The following ASIC2 variants were observed in gnomAD, a reference collection of about 807,000 sequenced individuals.
ASIC2 encodes acid-sensing ion channel 2.
Under a neutral mutation model 57.3 loss-of-function variants are expected in ASIC2, and 25 were observed. That is an observed-to-expected ratio of 0.44 (90% CI 0.32 to 0.61). The LOEUF is 0.61. ASIC2 is among the 20% of genes least tolerant of loss of function. The pLI is 0.06. For synonymous variants in ASIC2, 319 were observed against 307.5 expected, an observed-to-expected ratio of 1.04 and a Z score of -0.39; for missense variants, 641 against 738.1, an observed-to-expected ratio of 0.87 and a Z score of 1.52.
At chr17:33,554,646 A>G (rs7215444) in intron 1 of ASIC2, among the ~76,000 whole-genome samples, 5 of 151,690 alleles carry the variant, frequency 3.3e-5, no homozygotes, top group Non-Finnish European at 7.4e-5. Flanking sequence ...GTGCTTTTTG[A>G]GGAAGAAGTT....
chr17:34,116,858 G>GA (rs564585063), intron 1 of ASIC2, among the ~76,000 whole-genome samples: 64 of 152,194 alleles, frequency 4.2e-4, no homozygotes, highest in African/African-American at 1.4e-3. Flanking sequence ...TGTGTGTGGG[G>GA]GGAGGAGGGC....
At chr17:34,036,809 G>A (rs62056830) in intron 1 of ASIC2, 65,098 of 151,008 alleles carry the variant, frequency 0.43, 14,681 homozygotes, top group African/African-American at 0.58. Context: ...AAACCTAGAG[G>A]GACTCCAAGC....
At chr17:34,051,144 A>G (rs1233386718) in intron 1 of ASIC2, among the ~76,000 whole-genome samples, 1 of 152,230 alleles carries the variant, frequency 6.6e-6, no homozygotes, top group Non-Finnish European at 1.5e-5. Flanking sequence ...GAGAAAAAAG[A>G]GTGATTTTGC....
intron 1 of ASIC2, among the ~76,000 whole-genome samples, chr17:33,578,932 C>G (rs1048541600): frequency 6.6e-6 from 1 of 152,180 alleles, no homozygotes; most frequent in Admixed American, 6.5e-5. Flanking sequence ...TCAGAATTCT[C>G]TAGCTTCTGC....
chr17:33,682,053 G>C (rs1908017204), intron 1 of ASIC2, among the ~76,000 whole-genome samples: 1 of 131,898 alleles, frequency 7.6e-6, no homozygotes, highest in African/African-American at 3.2e-5. Flanking sequence ...GATGGCATCA[G>C]TGACATCTTT....
chr17:33,894,934 T>A (rs1915055896), intron 1 of ASIC2, among the ~76,000 whole-genome samples: 1 of 152,128 alleles, frequency 6.6e-6, no homozygotes, highest in African/African-American at 2.4e-5. Context: ...ACCCCATGCA[T>A]CCTGAATGCA....
intron 3 of ASIC2, among the ~76,000 whole-genome samples, chr17:33,030,563 A>G (rs888702259): frequency 2.6e-5 from 4 of 152,124 alleles, no homozygotes; most frequent in African/African-American, 9.7e-5. Context: ...TCATGTTGGA[A>G]TAAAACTGGA....
chr17:33,787,667 G>A (rs1241127787), intron 1 of ASIC2, among the ~76,000 whole-genome samples: 1 of 152,156 alleles, frequency 6.6e-6, no homozygotes, highest in Admixed American at 6.5e-5. Flanking sequence ...CAGTGGCAAG[G>A]TTCACTGTTG....
intron 1 of ASIC2, among the ~76,000 whole-genome samples, chr17:33,267,046 C>A (rs534689051): frequency 6.6e-6 from 1 of 152,206 alleles, no homozygotes; most frequent in Admixed American, 6.5e-5. Context: ...GTTGACATTT[C>A]TTGGCTGTTC....
intron 1 of ASIC2, among the ~76,000 whole-genome samples, chr17:33,236,787 G>A (rs1045729990): frequency 1.3e-5 from 2 of 152,142 alleles, no homozygotes; most frequent in Non-Finnish European, 2.9e-5. Flanking sequence ...TGGGCCACGT[G>A]TCAATGGAGG....
intron 3 of ASIC2, among the ~76,000 whole-genome samples, chr17:33,087,174 G>T (rs1481507219): frequency 1.3e-5 from 2 of 152,200 alleles, no homozygotes; most frequent in Non-Finnish European, 2.9e-5. Flanking sequence ...CCATCTGCAT[G>T]TCTTTACTGG....
At chr17:33,847,639 T>G (rs2141913092) in intron 1 of ASIC2, among the ~76,000 whole-genome samples, 1 of 152,304 alleles carries the variant, frequency 6.6e-6, no homozygotes, top group East Asian at 1.9e-4. Context: ...CCCTGCTAAT[T>G]CATCAGCCAA....
At chr17:33,850,120 C>T (rs364925) in intron 1 of ASIC2, among the ~76,000 whole-genome samples, 1 of 151,984 alleles carries the variant, frequency 6.6e-6, no homozygotes, top group Admixed American at 6.5e-5. Context: ...TTACTGTTCT[C>T]TTCAGGTGCT....
intron 1 of ASIC2, among the ~76,000 whole-genome samples, chr17:33,761,992 G>A (rs1910798031): frequency 6.6e-6 from 1 of 152,154 alleles, no homozygotes; most frequent in African/African-American, 2.4e-5. Context: ...AGGCAAGGGT[G>A]GATGAAGGCA....
At chr17:34,104,563 T>C (rs1258637972) in intron 1 of ASIC2, among the ~76,000 whole-genome samples, 1 of 152,072 alleles carries the variant, frequency 6.6e-6, no homozygotes, top group East Asian at 1.9e-4. Flanking sequence ...CATTCAGGGC[T>C]TCCCCATCAA....
chr17:33,719,593 AG>A (rs1310198444), intron 1 of ASIC2, among the ~76,000 whole-genome samples: 2 of 152,244 alleles, frequency 1.3e-5, no homozygotes, highest in African/African-American at 4.8e-5. Flanking sequence ...GTAAGATGTC[AG>A]CAACGTGAGA....
At chr17:33,761,668 A>G (rs1298397355) in intron 1 of ASIC2, among the ~76,000 whole-genome samples, 2 of 152,130 alleles carry the variant, frequency 1.3e-5, no homozygotes, top group Admixed American at 6.5e-5. Flanking sequence ...TATGATTTCA[A>G]AATGACACCA....
intron 1 of ASIC2, among the ~76,000 whole-genome samples, chr17:33,735,783 G>A (rs560701948): frequency 3.3e-5 from 5 of 152,052 alleles, no homozygotes; most frequent in African/African-American, 9.7e-5. Context: ...GATTAGAAGG[G>A]TCTCCCTCCC....
chr17:33,804,735 C>T (rs1241615733), intron 1 of ASIC2, among the ~76,000 whole-genome samples: 2 of 152,278 alleles, frequency 1.3e-5, no homozygotes, highest in East Asian at 1.9e-4. Flanking sequence ...CCTCATTCTT[C>T]GATCTGTTCC....
Sources: gnomAD v4.1 joint callset for allele counts (sites outside exome capture counted in the v4.1 genomes callset) on GRCh38, gnomAD v4.1.1 for gene constraint, MANE v1.5 for transcripts, NCBI Gene and HGNC (gene_info 2026-07-23, HGNC 2026-07-21) for gene names.